The following FNDC1 variants were observed in gnomAD, a reference collection of about 807,000 sequenced individuals.
The protein encoded by FNDC1 is fibronectin type III domain containing 1.
Under a neutral mutation model 168.0 loss-of-function variants are expected in FNDC1, and 96 were observed. The observed-to-expected ratio is 0.57, with a 90% CI of 0.48 to 0.68. The LOEUF is 0.68. Among genes scored for constraint, FNDC1 ranks in the 30% least tolerant of loss-of-function variants. The pLI is 0.00. For synonymous variants in FNDC1, 1,099 were observed against 1,025.9 expected (o/e 1.07, Z -1.36); for missense variants, 2,587 against 2,482.1 (o/e 1.04, Z -0.90).
intron 1 of FNDC1, among the ~76,000 whole-genome samples, chr6:159,174,412 C>G (rs181656628): frequency 6.6e-6 from 1 of 152,276 alleles, no homozygotes. Flanking sequence ...TCCCTCGGCC[C>G]GGCCTGGGCA....
intron 5 of FNDC1, among the ~76,000 whole-genome samples, 178 bp downstream of exon 5, chr6:159,215,329 A>T (rs1462593430): frequency 6.6e-6 from 1 of 152,216 alleles, no homozygotes; most frequent in Non-Finnish European, 1.5e-5. Flanking sequence ...CATCATTTTA[A>T]CCTTCTGTTA....
chr6:159,232,348 G>T lies in FNDC1; in HGVS notation c.1836G>T (p.Ala612=), dbSNP rs761593972. 18 of 1,613,432 alleles carry T rather than the reference G, an allele frequency of 1.1e-5. No homozygotes were observed. Among genetic ancestry groups the T allele is most frequent in the Non-Finnish European group, 1.4e-5 (16 of 1,179,700 alleles). ...TGGCCACGCAGCCCCGCCCAGGGGC[G>T]CCCCCCTCGGCTTCGGCCTCTCCTG... ...FSLATQPRPG[A]PPSASASPAH... The change falls in exon 11 of 23, where the codon GCG becomes GCT. Residue 612 remains alanine, a synonymous_variant. Coordinates refer to ENST00000297267, the MANE Select transcript of FNDC1 (RefSeq NM_032532.3). This position sits in a 1 kb window ranked among gnomAD's most constrained non-coding sequence, Gnocchi z 4.9.
intron 2 of FNDC1, 138 bp downstream of exon 2, chr6:159,197,763 G>A: frequency 1.4e-6 from 1 of 700,950 alleles, no homozygotes; most frequent in South Asian, 2.4e-5. Flanking sequence ...GGAGAGCTGA[G>A]TTCTGAGATG....
chr6:159,172,331 T>C (rs1217448668), intron 1 of FNDC1, among the ~76,000 whole-genome samples: 1 of 152,248 alleles, frequency 6.6e-6, no homozygotes, highest in African/African-American at 2.4e-5. Context: ...AGAGCTATTC[T>C]GACTTGGGTA....
In FNDC1 at chr6:159,232,791, G is replaced by A. The variant is rs771304162; in HGVS notation, c.2279G>A (p.Arg760Gln). 4 of 1,613,912 alleles carry A rather than the reference G, an allele frequency of 2.5e-6. No homozygotes were observed. Among genetic ancestry groups the A allele is most frequent in the Non-Finnish European group, 3.4e-6 (4 of 1,179,888 alleles). ...APATNSNAPS[R>Q]STMSSSVSSH... The stretch of plus-strand genomic sequence containing the variant: ...GCCACCAACTCCAATGCGCCATCAC[G>A]GTCCACCATGTCCTCCTCCGTCTCT... Residue 760 changes from arginine (R) to glutamine (Q), a missense_variant, in exon 11 of 23, where the codon CGG (arginine) becomes CAG (glutamine). Physicochemically the swap from Arg to Gln is conservative, Grantham distance 43. Transcript: ENST00000297267. The surrounding 1 kb of genome is among the most constrained non-coding windows in gnomAD (Gnocchi z 4.9).
chr6:159,193,366 G>T (rs1476089594), intron 1 of FNDC1, among the ~76,000 whole-genome samples: 1 of 152,178 alleles, frequency 6.6e-6, no homozygotes, highest in Non-Finnish European at 1.5e-5. Context: ...GGAGGTTCAT[G>T]GCCCTTGTGA....
At chr6:159,268,585 G>GTCTC (rs531755767) in intron 22 of FNDC1, among the ~76,000 whole-genome samples, 2 of 151,216 alleles carry the variant, frequency 1.3e-5, no homozygotes, top group African/African-American at 2.4e-5. Flanking sequence ...CCATCTATCC[G>GTCTC]TCTCTCTCTC....
chr6:159,267,862 G>A lies in FNDC1; in HGVS notation c.5505G>A (p.Val1835=), dbSNP rs1298438515. ...GAGGTGAAGACCATTGCCAATTTGT[G>A]GATTCACACCTTGATGGAAGAACAG... ...WGRGEDHCQF[V]DSHLDGRTGP... The change falls in exon 22 of 23, where the codon GTG becomes GTA. Residue 1835 remains valine (V), a synonymous_variant. Coordinates refer to ENST00000297267, the MANE Select transcript of FNDC1 (RefSeq NM_032532.3). The A allele has an allele frequency of 2.5e-6, 4 of 1,613,324 alleles. No homozygotes were observed. Among genetic ancestry groups the A allele is most frequent in the Non-Finnish European group, 3.4e-6 (4 of 1,179,696 alleles).
Position 159,232,491 on chromosome 6 carries a change from A to C in FNDC1, c.1979A>C (p.Lys660Thr). The C allele has an allele frequency of 6.2e-7, 1 of 1,612,418 alleles. No individual in the cohort carries two copies. Among genetic ancestry groups the C allele is most frequent in the Non-Finnish European group, 8.5e-7 (1 of 1,179,268 alleles). Residue 660 changes from lysine (K) to threonine (T), a missense_variant, in exon 11 of 23, where the codon AAG becomes ACG. Lys to Thr is a moderately conservative substitution (Grantham distance 78, BLOSUM62 -1). Transcript: ENST00000297267. The surrounding 1 kb of genome is among the most constrained non-coding windows in gnomAD (Gnocchi z 4.9). ...DERAVGSLHP[K>T]GAFAQPRPAL... ...CGCGCTGTGGGCTCCCTCCACCCCA[A>C]GGGCGCCTTCGCCCAGCCCCGGCCA...
chr6:159,189,691 G>C (rs569542532), intron 1 of FNDC1, among the ~76,000 whole-genome samples: 21 of 152,358 alleles, frequency 1.4e-4, no homozygotes, highest in Admixed American at 7.2e-4. Context: ...AGGCCGAATA[G>C]TATAAGAAGT....
chr6:159,242,033 T>C (rs918212398), intron 14 of FNDC1, among the ~76,000 whole-genome samples: 1 of 152,196 alleles, frequency 6.6e-6, no homozygotes, highest in Non-Finnish European at 1.5e-5. Context: ...TACATGCACA[T>C]GTATGTTCAT....
At chr6:159,243,928 G>C (rs1783485873) in intron 14 of FNDC1, among the ~76,000 whole-genome samples, 2 of 151,982 alleles carry the variant, frequency 1.3e-5, no homozygotes, top group African/African-American at 2.4e-5. Context: ...CTCATTTGCT[G>C]GTAAAAGCAT....
intron 21 of FNDC1, among the ~76,000 whole-genome samples, chr6:159,267,218 C>T (rs770673517): frequency 2.6e-5 from 4 of 152,014 alleles, no homozygotes; most frequent in Non-Finnish European, 5.9e-5. Context: ...CGGTCTGTCT[C>T]TCTCTCTCTC....
At chr6:159,259,891 CAAAGT>C (rs1033261003) in intron 18 of FNDC1, among the ~76,000 whole-genome samples, 1 of 152,152 alleles carries the variant, frequency 6.6e-6, no homozygotes, top group African/African-American at 2.4e-5. Flanking sequence ...TAATCAAACT[CAAAGT>C]AAAGTATCTC....
intron 5 of FNDC1, 108 bp from the exon 6 acceptor site, chr6:159,221,490 A>G (rs1270851105): frequency 1.2e-6 from 1 of 843,896 alleles, no homozygotes; most frequent in African/African-American, 1.7e-5. Flanking sequence ...GAGGAAACGG[A>G]AAAAGGGGAA....
chr6:159,271,306 C>T (rs1467164929), intron 22 of FNDC1, 21 bp from the exon 23 acceptor site: 1 of 1,563,154 alleles, frequency 6.4e-7, no homozygotes, highest in African/African-American at 1.4e-5. Context: ...ACGCTTTTCC[C>T]CTCTCCTGTT....
intron 1 of FNDC1, among the ~76,000 whole-genome samples, chr6:159,177,715 T>C (rs1272650102): frequency 2.0e-5 from 3 of 152,142 alleles, no homozygotes; most frequent in Non-Finnish European, 2.9e-5. Flanking sequence ...CCTCCTCTGA[T>C]GGATGTGTGC....
chr6:159,209,786 T>C (rs1782560369), intron 4 of FNDC1, among the ~76,000 whole-genome samples: 1 of 152,218 alleles, frequency 6.6e-6, no homozygotes, highest in South Asian at 2.1e-4. Context: ...TTTCCCTTTC[T>C]TTTTCTTTCT....
chr6:159,225,844 T>G (rs1250065135), intron 8 of FNDC1, 122 bp downstream of exon 8: 1 of 846,740 alleles, frequency 1.2e-6, no homozygotes, highest in Non-Finnish European at 1.8e-6. Context: ...AAAGTCATGT[T>G]AATCCTAAAT....
Sources: allele counts gnomAD v4.1 joint callset (sites outside exome capture counted in the v4.1 genomes callset), GRCh38; gene constraint gnomAD v4.1.1; non-coding constraint Gnocchi (gnomAD v3.1); transcripts MANE v1.5; gene names NCBI Gene and HGNC (gene_info 2026-07-23, HGNC 2026-07-21).